Variants in TAPBP observed in about 807,000 individuals in gnomAD.
The protein encoded by TAPBP is tapasin.
Under a neutral mutation model 45.7 loss-of-function variants are expected in TAPBP, and 38 were observed. The observed-to-expected ratio is 0.83, with a 90% confidence interval of 0.64 to 1.09. The LOEUF is 1.09. TAPBP is among the 50% of genes least tolerant of loss of function. The pLI is 0.00. For missense variants in TAPBP, 513 were observed against 587.3 expected (o/e 0.87, Z 1.31); for synonymous variants, 226 against 254.8 (o/e 0.89, Z 1.08).
At chr6:33,304,810 A>G in intron 4 of TAPBP, 172 bp from the exon 5 acceptor site, 2 of 1,261,370 alleles carry the variant, frequency 1.6e-6, no homozygotes, top group Non-Finnish European at 2.2e-6. Context: ...CCCATGTCAA[A>G]GCCCCTCAAA....
chr6:33,311,006 A>C (rs1008526365), intron 3 of TAPBP, among the ~76,000 whole-genome samples: 2 of 152,172 alleles, frequency 1.3e-5, no homozygotes, highest in Non-Finnish European at 2.9e-5. Flanking sequence ...CTGATCAAGC[A>C]GAAATGCTTG....
intron 7 of TAPBP, among the ~76,000 whole-genome samples, chr6:33,302,705 G>A (rs1480801678): frequency 6.7e-6 from 1 of 149,318 alleles, no homozygotes; most frequent in Non-Finnish European, 1.5e-5. Context: ...GAGTGCAATG[G>A]TGTGATCTCA....
At chr6:33,309,634 T>C (rs1769210625) in intron 3 of TAPBP, among the ~76,000 whole-genome samples, 1 of 126,800 alleles carries the variant, frequency 7.9e-6, no homozygotes, top group African/African-American at 3.3e-5. Context: ...AGACAGGGTC[T>C]CACTCTGTCA....
Position 33,305,774 on chromosome 6 carries a change from T to G in TAPBP, c.470-387A>C, listed in dbSNP as rs1768935512. On this transcript the variant is annotated intron_variant, in intron 3 of 7. Transcript: ENST00000434618. This position sits in a 1 kb window ranked among gnomAD's most constrained non-coding sequence, Gnocchi z 4.4. ...CTTGAGGAACCAGGCCTTTCTTGAT[T>G]ACAGGCGAAGACAATGATTGAGCCA... Among the ~76,000 whole-genome samples, 1 of 151,782 alleles carries G rather than the reference T, an allele frequency of 6.6e-6. No homozygotes were observed.
rs1444229418 is a variant in TAPBP, at chr6:33,300,976, A to T, written c.*784T>A. 5 of 152,142 alleles carry T rather than the reference A, an allele frequency of 3.3e-5. No individual in the cohort carries two copies. 9.4% of individuals were successfully genotyped at this position (152,142 alleles called of 1,614,324 possible). On this transcript the variant is annotated 3_prime_UTR_variant, in exon 8 of 8. Coordinates refer to ENST00000434618, the MANE Select transcript of TAPBP (RefSeq NM_003190.5). Reference sequence around the variant, plus strand: ...GCGAGACTCCGTCTCAAAAAAAAAAAAAAAAAAGTTTTTTGCCTTCTTCAT... The same window carrying T: ...GCGAGACTCCGTCTCAAAAAAAAAATAAAAAAAGTTTTTTGCCTTCTTCAT...
chr6:33,313,492 G>A lies in TAPBP; in HGVS notation c.209-15C>T. On this transcript the variant is annotated splice_polypyrimidine_tract_variant and intron_variant, in intron 2 of 7. Transcript: ENST00000434618. This position sits in a 1 kb window ranked among gnomAD's most constrained non-coding sequence, Gnocchi z 7.2. ...GCCCGCGGGGTCTGAGTGTAGAGAA[G>A]GAAGTTGCAGCTGTAGAGTCACCGC... 1 of 1,544,244 alleles carries A rather than the reference G, an allele frequency of 6.5e-7. No homozygotes were observed. Among genetic ancestry groups the A allele is most frequent in the Non-Finnish European group, 8.7e-7 (1 of 1,143,242 alleles).
intron 7 of TAPBP, 59 bp from the exon 8 acceptor site, chr6:33,301,830 T>C (rs2150955969): frequency 6.2e-7 from 1 of 1,613,576 alleles, no homozygotes; most frequent in East Asian, 2.2e-5. Flanking sequence ...GAGGTGTACA[T>C]GGTCAGTTTA....
At chr6:33,307,451 G>C (rs569895539) in intron 3 of TAPBP, among the ~76,000 whole-genome samples, 1 of 127,902 alleles carries the variant, frequency 7.8e-6, no homozygotes, top group African/African-American at 3.0e-5. Context: ...ACCTAGGCTA[G>C]AGTATAGTGG....
In TAPBP at chr6:33,304,650, G is replaced by A. The variant is rs200119687; in HGVS notation, c.869-12C>T. 2.1e-5 allele frequency: 32 copies of A among 1,550,386 alleles called. No homozygotes were observed. Among genetic ancestry groups the A allele is most frequent in the Non-Finnish European group, 2.5e-5 (29 of 1,153,542 alleles). On this transcript the variant is annotated splice_polypyrimidine_tract_variant and intron_variant, in intron 4 of 7. Coordinates refer to ENST00000434618, the MANE Select transcript of TAPBP (RefSeq NM_003190.5). ...CACTTTGGGGGGTTCTGGGGAAAGA[G>A]GACGAAATGAGCATAGGGAAATCAG... is the stretch of plus-strand genomic sequence containing the variant.
chr6:33,305,470 G>T lies in TAPBP; in HGVS notation c.470-83C>A. 7.1e-7 allele frequency: 1 copy of T among 1,402,794 alleles called. No individual in the cohort carries two copies. Among genetic ancestry groups the T allele is most frequent in the East Asian group, 2.4e-5 (1 of 41,358 alleles). 86.9% of individuals were successfully genotyped at this position (1,402,794 alleles called of 1,614,324 possible). A position where few individuals can be genotyped will look rare whatever the true frequency, so the allele number is the denominator to read the frequency against. ...AAAAAAATAGAGAAATGCAGTTATTGGGGAGGGCTAAACTGCAGTTTACCC... is the reference window on the plus strand; with the variant it reads ...AAAAAAATAGAGAAATGCAGTTATTTGGGAGGGCTAAACTGCAGTTTACCC... On this transcript the variant is annotated intron_variant, in intron 3 of 7. Transcript: ENST00000434618. This position sits in a 1 kb window ranked among gnomAD's most constrained non-coding sequence, Gnocchi z 4.4.
In TAPBP at chr6:33,313,092, TAACA is replaced by T. The variant is rs1483215820; in HGVS notation, c.469+121_469+124del. On this transcript the variant is annotated intron_variant, in intron 3 of 7. Transcript: ENST00000434618. This position sits in a 1 kb window ranked among gnomAD's most constrained non-coding sequence, Gnocchi z 7.2. ...TTCATTCTAGCCAAACCACCTCTCT[TAACA>T]AAAAAAGGAAACTGAACCCCGATTG... The T allele has an allele frequency of 2.6e-6, 3 of 1,165,992 alleles. No individual in the cohort carries two copies. The highest frequency in any genetic ancestry group is 2.4e-6 in the Non-Finnish European group (2 of 827,184). The allele number at this position is 1,165,992 out of a possible 1,614,324, so 72.2% of individuals were successfully genotyped here.
At position 33,305,036 on chromosome 6, in the gene TAPBP, T is replaced by C; in HGVS notation, c.821A>G (p.His274Arg). The change falls in exon 4 of 8, where the codon CAC (histidine) becomes CGC (arginine). Residue 274 changes from histidine (H) to arginine (R), a missense_variant. Coordinates refer to ENST00000434618, the MANE Select transcript of TAPBP (RefSeq NM_003190.5). The surrounding 1 kb of genome is among the most constrained non-coding windows in gnomAD (Gnocchi z 4.4). ...FQEGTYLATI[H>R]LPYLQGQVTL... ...GACCTGTCCTTGCAGGTATGGCAGG[T>C]GTATGGTGGCCAGATAGGTGCCCTC... 2 of 1,600,104 alleles carry C rather than the reference T, an allele frequency of 1.2e-6. No homozygotes were observed. The highest frequency in any genetic ancestry group is 8.5e-7 in the Non-Finnish European group (1 of 1,174,818).
In TAPBP at chr6:33,301,603, TTA is replaced by T. The variant is rs1768592685; in HGVS notation, c.*155_*156del. 1.5e-6 allele frequency: 1 copy of T among 662,592 alleles called. No individual in the cohort carries two copies. The allele number at this position is 662,592 out of a possible 1,614,324, so 41.0% of individuals were successfully genotyped here. ...AAAAAAAAAAAAGAAAAATTATCCC[TTA>T]TATAAGTGAAAGAAAAAAAAAAAAG... On this transcript the variant is annotated 3_prime_UTR_variant, in exon 8 of 8. Coordinates refer to ENST00000434618, the MANE Select transcript of TAPBP (RefSeq NM_003190.5).
At chr6:33,309,969 C>T (rs899158342) in intron 3 of TAPBP, among the ~76,000 whole-genome samples, 9 of 151,354 alleles carry the variant, frequency 5.9e-5, no homozygotes, top group Non-Finnish European at 1.2e-4. Context: ...GGTGATCTGC[C>T]CACCTCGGCC....
rs1196464903 is a variant in TAPBP, at chr6:33,313,648, G to T, written c.208+46C>A. The T allele has an allele frequency of 1.3e-6, 2 of 1,584,264 alleles. No homozygotes were observed. Among genetic ancestry groups the T allele is most frequent in the Admixed American group, 3.5e-5 (2 of 57,100 alleles). On this transcript the variant is annotated intron_variant, in intron 2 of 7. Coordinates refer to ENST00000434618, the MANE Select transcript of TAPBP (RefSeq NM_003190.5). The surrounding 1 kb of genome is among the most constrained non-coding windows in gnomAD (Gnocchi z 7.2). Reference sequence around the variant, plus strand: ...CGGATCTAAAGAGGAGGGGGTTTCGGTGGAGGCGACAGAGGTAGGGGGGCG... The same window carrying T: ...CGGATCTAAAGAGGAGGGGGTTTCGTTGGAGGCGACAGAGGTAGGGGGGCG...
intron 3 of TAPBP, among the ~76,000 whole-genome samples, chr6:33,309,596 ACT>A (rs746621515): frequency 3.9e-5 from 4 of 102,982 alleles, no homozygotes; most frequent in Admixed American, 2.2e-4. Context: ...TTACAGTTTA[ACT>A]CTTTTTTTTT....
At chr6:33,306,674 C>A (rs1319242331) in intron 3 of TAPBP, among the ~76,000 whole-genome samples, 4 of 152,206 alleles carry the variant, frequency 2.6e-5, no homozygotes, top group Non-Finnish European at 4.4e-5. Flanking sequence ...CCATCACCTA[C>A]CTGTTTAAAA....
At chr6:33,311,102 A>G (rs1769311179) in intron 3 of TAPBP, among the ~76,000 whole-genome samples, 1 of 152,194 alleles carries the variant, frequency 6.6e-6, no homozygotes, top group Admixed American at 6.5e-5. Context: ...GGATCACCTT[A>G]GGTCAGGAGT....
intron 7 of TAPBP, among the ~76,000 whole-genome samples, chr6:33,302,866 C>A (rs796344153): frequency 1.3e-5 from 2 of 152,178 alleles, no homozygotes; most frequent in African/African-American, 4.8e-5. Flanking sequence ...TGGTCTTGAA[C>A]TCCTGACCTC....
Sources: allele counts gnomAD v4.1 joint callset (sites outside exome capture counted in the v4.1 genomes callset), GRCh38; gene constraint gnomAD v4.1.1; non-coding constraint Gnocchi (gnomAD v3.1); transcripts MANE v1.5; gene names NCBI Gene and HGNC (gene_info 2026-07-23, HGNC 2026-07-21).